HMCN1: variants seen among roughly 807,000 people sequenced by gnomAD.
HMCN1 encodes the protein hemicentin 1.
Under a neutral mutation model 625.9 loss-of-function variants are expected in HMCN1, and 321 were observed. The observed-to-expected ratio is 0.51, with a 90% confidence interval of 0.47 to 0.56. The LOEUF (loss-of-function observed/expected upper bound fraction) is 0.56, where lower values mean the gene tolerates loss of function less well. HMCN1 is among the 20% of genes least tolerant of loss of function. The pLI, the probability that HMCN1 is intolerant of heterozygous loss-of-function variation, is 0.00. For missense variants in HMCN1, 6,588 were observed against 6,887.3 expected, an observed-to-expected ratio of 0.96 and a Z score of 1.54; for synonymous variants, 2,425 against 2,417.6, an observed-to-expected ratio of 1.00 and a Z score of -0.09.
intron 48 of HMCN1, among the ~76,000 whole-genome samples, chr1:186,063,096 A>ATATATATATATATATATATATGTATATG (rs1185102259): frequency 8.7e-6 from 1 of 115,424 alleles, no homozygotes; most frequent in African/African-American, 3.8e-5. Context: ...ATATATATAT[A>ATATATATATATATATATATATGTATATG]TATATATCAC....
chr1:185,999,980 T>C, intron 25 of HMCN1, 65 bp from the exon 26 acceptor site: 1 of 1,106,992 alleles, frequency 9.0e-7, no homozygotes, highest in African/African-American at 1.6e-5. Flanking sequence ...CTCTTTGATA[T>C]ATTTGATATT....
At chr1:186,178,359 TTG>T in intron 103 of HMCN1, 55 bp from the exon 104 acceptor site, 2 of 1,210,938 alleles carry the variant, frequency 1.7e-6, no homozygotes, top group South Asian at 1.2e-5. Context: ...TTCCTGTGTT[TTG>T]TGTGTGTATG....
chr1:186,010,254 T>A (rs928715740), intron 30 of HMCN1, among the ~76,000 whole-genome samples: 1 of 152,140 alleles, frequency 6.6e-6, no homozygotes, highest in African/African-American at 2.4e-5. Flanking sequence ...TGCATATATA[T>A]GTACAGTTTA....
intron 1 of HMCN1, among the ~76,000 whole-genome samples, chr1:185,766,547 TCAAAC>T (rs1655886048): frequency 6.6e-6 from 1 of 152,046 alleles, no homozygotes; most frequent in Non-Finnish European, 1.5e-5. Flanking sequence ...GGCCCCAAAA[TCAAAC>T]CAAATGAAAT....
chr1:186,136,610 AT>A (rs1649619871), intron 86 of HMCN1, 57 bp from the exon 87 acceptor site: 1 of 1,523,454 alleles, frequency 6.6e-7, no homozygotes. Context: ...ATAATACATG[AT>A]AAAAAAAAAT....
At chr1:186,115,538 T>C (rs369908294) in intron 75 of HMCN1, 124 bp downstream of exon 75, 8 of 871,728 alleles carry the variant, frequency 9.2e-6, no homozygotes, top group Non-Finnish European at 5.4e-6. Flanking sequence ...ATATAGAGGG[T>C]TTTTTTCCTT....
intron 11 of HMCN1, among the ~76,000 whole-genome samples, chr1:185,946,332 T>C (rs995792837): frequency 6.6e-6 from 1 of 152,212 alleles, no homozygotes; most frequent in South Asian, 2.1e-4. Context: ...TATCCCTTTT[T>C]TGAGCACTAT....
chr1:186,053,954 C>G lies in HMCN1; in HGVS notation c.6830C>G (p.Thr2277Ser). The G allele has an allele frequency of 6.2e-7, 1 of 1,612,632 alleles. No individual in the cohort carries two copies. The highest frequency in any genetic ancestry group is 8.5e-7 in the Non-Finnish European group (1 of 1,179,156). The change falls in exon 44 of 107, where the codon ACT becomes AGT. Residue 2277 changes from threonine (T) to serine (S), a missense_variant. Physicochemically the swap from Thr to Ser is moderately conservative, Grantham distance 58. Coordinates refer to ENST00000271588, the MANE Select transcript of HMCN1 (RefSeq NM_031935.3). ...YSCVASNVAG[T>S]AKKEYNLQVY... is the part of the protein sequence containing the mutation. ...TGTGTGGCGTCGAATGTTGCTGGGA[C>G]TGCAAAGAAAGAATACAATCTGCAA...
At chr1:186,046,569 A>G (rs1656590244) in intron 41 of HMCN1, among the ~76,000 whole-genome samples, 1 of 152,126 alleles carries the variant, frequency 6.6e-6, no homozygotes, top group South Asian at 2.1e-4. Context: ...TAGTTGAAAA[A>G]TGCAATGAGT....
intron 1 of HMCN1, among the ~76,000 whole-genome samples, chr1:185,827,917 C>A (rs888818535): frequency 1.3e-5 from 2 of 152,130 alleles, no homozygotes; most frequent in East Asian, 3.8e-4. Context: ...TACTTTAGAA[C>A]ACACTGAATG....
At chr1:186,085,248 A>G (rs868154631) in intron 57 of HMCN1, among the ~76,000 whole-genome samples, 9 of 152,266 alleles carry the variant, frequency 5.9e-5, no homozygotes, top group Middle Eastern at 3.4e-3. Flanking sequence ...CTGCTTTAAC[A>G]CGACCAGAGA....
intron 1 of HMCN1, among the ~76,000 whole-genome samples, chr1:185,803,205 C>CAAA: frequency 9.9e-4 from 58 of 58,770 alleles, no homozygotes; most frequent in Non-Finnish European, 1.7e-3. Flanking sequence ...AAAAAAAAAG[C>CAAA]AAAAAAAAAA....
At chr1:186,065,525 G>C in intron 49 of HMCN1, 96 bp downstream of exon 49, 1 of 864,348 alleles carries the variant, frequency 1.2e-6, no homozygotes, top group Non-Finnish European at 1.7e-6. Context: ...TTCCGTCGTA[G>C]AATTTCATCA....
In HMCN1 at chr1:185,910,469, A is replaced by G. The variant is rs192944454; in HGVS notation, c.793+961A>G. Among the ~76,000 whole-genome samples, 136 of 152,196 alleles carry G rather than the reference A, an allele frequency of 8.9e-4. 1 individual carries two copies. Among genetic ancestry groups the G allele is most frequent in the South Asian group, 4.1e-4 (2 of 4,830 alleles). On this transcript the variant is annotated intron_variant, in intron 5 of 106. Transcript: ENST00000271588. ...CTGGAGACTCAGAGTACCTGTACCCATTGCATTATGTTTCTACTACTTTAA... is the reference window on the plus strand; with the variant it reads ...CTGGAGACTCAGAGTACCTGTACCCGTTGCATTATGTTTCTACTACTTTAA...
In HMCN1 at chr1:186,078,236, G is replaced by T. The variant is rs1415247610; in HGVS notation, c.8599+16G>T. On this transcript the variant is annotated intron_variant, in intron 55 of 106. Transcript: ENST00000271588. ...CGTGTACTCGGTGAGTTTTTCTTTT[G>T]TTTATTGTTCATTCTTTTACTGAAA... is the stretch of plus-strand genomic sequence containing the variant. 1 of 1,544,514 alleles carries T rather than the reference G, an allele frequency of 6.5e-7. No individual in the cohort carries two copies. The highest frequency in any genetic ancestry group is 1.1e-5 in the South Asian group (1 of 89,116).
intron 1 of HMCN1, among the ~76,000 whole-genome samples, chr1:185,789,661 C>A: frequency 6.6e-6 from 1 of 152,098 alleles, no homozygotes; most frequent in East Asian, 1.9e-4. Context: ...CTTTCTCTAC[C>A]ACATTTCTCA....
chr1:186,108,170 C>A (rs7511761), intron 70 of HMCN1, among the ~76,000 whole-genome samples: 96,133 of 151,804 alleles, frequency 0.63, 32,605 homozygotes, highest in African/African-American at 0.89. Flanking sequence ...CGGACAACGG[C>A]TCCCTTCTTT....
rs779373213 is a variant in HMCN1 at position 185,909,423 on chromosome 1, G to C, written c.708G>C (p.Trp236Cys). 2.5e-6 allele frequency: 4 copies of C among 1,613,576 alleles called. No individual in the cohort carries two copies. The East Asian group carries it at 8.9e-5, about 36-fold the overall frequency. Residue 236 changes from tryptophan (W) to cysteine (C), a missense_variant, in exon 5 of 107, where the codon TGG becomes TGC. Coordinates refer to ENST00000271588, the MANE Select transcript of HMCN1 (RefSeq NM_031935.3). Reference sequence around the variant, plus strand: ...ATTTGGAACAGGCTGTAAATACTTGGAGAATTCCTTTTGATCCCAGCCTGA... The same window carrying C: ...ATTTGGAACAGGCTGTAAATACTTGCAGAATTCCTTTTGATCCCAGCCTGA... ...TDHLEQAVNT[W>C]RIPFDPSLKE...
In HMCN1 at chr1:186,083,500, T is replaced by TAAA. The variant is rs58407499; in HGVS notation, c.8884+555_8884+557dup. ...ACACTCCATAAATACCACTTTTTGC[T>TAAA]AAAAAAAAAAAAAAAAAAGTAGTTG... On this transcript the variant is annotated intron_variant, in intron 57 of 106. Transcript: ENST00000271588. Among the ~76,000 whole-genome samples the TAAA allele has an allele frequency of 7.2e-4, 89 of 123,642 alleles. 3 individuals are homozygous for TAAA. Among genetic ancestry groups the TAAA allele is most frequent in the African/African-American group, 1.5e-3 (47 of 31,876 alleles). The allele number at this position is 123,642 out of a possible 152,430, so 81.1% of individuals were successfully genotyped here.
Sources: allele counts gnomAD v4.1 joint callset (sites outside exome capture counted in the v4.1 genomes callset), GRCh38; gene constraint gnomAD v4.1.1; transcripts MANE v1.5; gene names NCBI Gene and HGNC (gene_info 2026-07-23, HGNC 2026-07-21).